The following APBB2 variants were observed in gnomAD, a reference collection of about 807,000 sequenced individuals.
APBB2 encodes Fe65-like 1.
Under a neutral mutation model 82.5 loss-of-function variants are expected in APBB2, and 38 were observed. The observed-to-expected ratio is 0.46, with a 90% CI of 0.36 to 0.60. The LOEUF (loss-of-function observed/expected upper bound fraction) is 0.60, where lower values mean the gene tolerates loss of function less well. APBB2 is among the 20% of genes least tolerant of loss of function. APBB2 has a pLI of 0.00. For synonymous variants in APBB2, 341 were observed against 368.2 expected (o/e 0.93, Z 0.85); for missense variants, 772 against 972.3 (o/e 0.79, Z 2.74).
At chr4:40,949,313 A>G (rs899244357) in intron 6 of APBB2, among the ~76,000 whole-genome samples, 3 of 152,124 alleles carry the variant, frequency 2.0e-5, no homozygotes, top group African/African-American at 7.2e-5. Context: ...AGGTAGGTGG[A>G]AGTCCAGACC....
intron 10 of APBB2, among the ~76,000 whole-genome samples, chr4:40,928,918 G>A (rs908316371): frequency 2.0e-5 from 3 of 149,822 alleles, no homozygotes; most frequent in African/African-American, 4.9e-5. Context: ...ATGAACGAAC[G>A]AATGAATACA....
rs1792114574 is a variant in APBB2 at position 40,957,933 on chromosome 4, T to G, written c.836-12860A>C. Among the ~76,000 whole-genome samples, 3 of 152,278 alleles carry G rather than the reference T, an allele frequency of 2.0e-5. No homozygotes were observed. In the South Asian group the frequency reaches 6.2e-4, roughly 32 times the overall value. ...ATGCAGATAGGATATGATCAGAGGT[T>G]GGTAGAAGATAAAAGTATACATCTC... On this transcript the variant is annotated intron_variant, in intron 6 of 17. Coordinates refer to ENST00000508593, the MANE Select transcript of APBB2 (RefSeq NM_004307.2).
intron 12 of APBB2, chr4:40,857,071 G>A: frequency 1.0e-6 from 1 of 985,588 alleles, no homozygotes; most frequent in Non-Finnish European, 1.2e-6. Context: ...TGCCGCCCCA[G>A]GTGCTACGAC....
intron 6 of APBB2, among the ~76,000 whole-genome samples, chr4:41,002,576 C>T (rs1376034412): frequency 2.0e-5 from 3 of 152,212 alleles, no homozygotes; most frequent in Non-Finnish European, 2.9e-5. Context: ...AAGCTCAATG[C>T]CTTGAGCTGG....
At chr4:40,945,302 A>G (rs946169164) in intron 6 of APBB2, among the ~76,000 whole-genome samples, 1 of 152,222 alleles carries the variant, frequency 6.6e-6, no homozygotes, top group African/African-American at 2.4e-5. Context: ...AACACCTGAG[A>G]ACAGGGACAC....
chr4:40,926,610 C>T (rs1473463728), intron 10 of APBB2, among the ~76,000 whole-genome samples: 1 of 152,226 alleles, frequency 6.6e-6, no homozygotes, highest in African/African-American at 2.4e-5. Context: ...TGCCACCACG[C>T]CCAGCTAATT....
At chr4:41,172,222 C>T (rs1037027664) in intron 1 of APBB2, among the ~76,000 whole-genome samples, 2 of 151,986 alleles carry the variant, frequency 1.3e-5, no homozygotes, top group African/African-American at 4.8e-5. Context: ...CATCCAGCAC[C>T]CCCCGCCCCA....
At chr4:41,138,312 T>C (rs563318510) in intron 2 of APBB2, among the ~76,000 whole-genome samples, 2 of 152,332 alleles carry the variant, frequency 1.3e-5, no homozygotes, top group Admixed American at 6.5e-5. Context: ...AATTAAAAAC[T>C]TCTGAGCACC....
At chr4:41,131,813 G>A in intron 2 of APBB2, among the ~76,000 whole-genome samples, 2 of 152,148 alleles carry the variant, frequency 1.3e-5, no homozygotes, top group East Asian at 3.8e-4. Context: ...GCCAAGGCGG[G>A]TGGATCACCT....
intron 4 of APBB2, among the ~76,000 whole-genome samples, chr4:41,037,038 A>G (rs1283158856): frequency 6.6e-6 from 1 of 152,230 alleles, no homozygotes; most frequent in Non-Finnish European, 1.5e-5. Context: ...AAGCTATTGA[A>G]TACTTAAAAG....
chr4:40,868,957 A>G (rs546064422), intron 12 of APBB2, among the ~76,000 whole-genome samples: 1 of 152,300 alleles, frequency 6.6e-6, no homozygotes, highest in South Asian at 2.1e-4. Flanking sequence ...CATGCTTACG[A>G]ACTACTAAAA....
At chr4:40,894,979 C>T (rs761452479) in intron 10 of APBB2, among the ~76,000 whole-genome samples, 3 of 152,136 alleles carry the variant, frequency 2.0e-5, no homozygotes, top group Non-Finnish European at 2.9e-5. Context: ...GACATGGAGC[C>T]ATCCTTCCTT....
Position 40,890,527 on chromosome 4 carries a change from T to C in APBB2, c.1402-36A>G, listed in dbSNP as rs374333784. 19 of 1,610,984 alleles carry C rather than the reference T, an allele frequency of 1.2e-5. 1 individual carries two copies. The highest frequency in any genetic ancestry group is 3.3e-5 in the South Asian group (3 of 90,604). ...ACGAGAAAACACGCTGTCTTCTTCA[T>C]GCAGGCTGGAAAGCCTAATCGTGTG... On this transcript the variant is annotated intron_variant, in intron 11 of 17. Transcript: ENST00000508593.
At chr4:41,060,239 G>A (rs757483899) in intron 4 of APBB2, among the ~76,000 whole-genome samples, 1 of 152,044 alleles carries the variant, frequency 6.6e-6, no homozygotes, top group Non-Finnish European at 1.5e-5. Flanking sequence ...AGTAAATAGC[G>A]GTTGTTCAGG....
chr4:41,196,781 A>C, intron 1 of APBB2, among the ~76,000 whole-genome samples: 1 of 152,056 alleles, frequency 6.6e-6, no homozygotes, highest in African/African-American at 2.4e-5. Context: ...CACAATTGGA[A>C]ATAATCCTCC....
At chr4:40,910,659 C>A (rs1186579976) in intron 10 of APBB2, among the ~76,000 whole-genome samples, 1 of 152,236 alleles carries the variant, frequency 6.6e-6, no homozygotes, top group Non-Finnish European at 1.5e-5. Flanking sequence ...TGTATACCCA[C>A]CACCCAAAAG....
chr4:41,019,261 AAG>A (rs1391921690), intron 5 of APBB2, among the ~76,000 whole-genome samples: 1 of 152,206 alleles, frequency 6.6e-6, no homozygotes, highest in Non-Finnish European at 1.5e-5. Context: ...GAAGCCAATA[AAG>A]AGAGTAAAAG....
At chr4:41,110,501 G>A (rs998988551) in intron 2 of APBB2, among the ~76,000 whole-genome samples, 1 of 151,826 alleles carries the variant, frequency 6.6e-6, no homozygotes, top group African/African-American at 2.4e-5. Context: ...TACTCAGGAG[G>A]CTGAGGCAGG....
intron 6 of APBB2, among the ~76,000 whole-genome samples, chr4:40,957,787 T>C (rs576464096): frequency 6.6e-5 from 10 of 152,156 alleles, no homozygotes; most frequent in Non-Finnish European, 1.5e-4. Flanking sequence ...TTTCGCCACG[T>C]TGGCCAGGCT....
Sources: gnomAD v4.1 joint callset for allele counts (sites outside exome capture counted in the v4.1 genomes callset) on GRCh38, gnomAD v4.1.1 for gene constraint, MANE v1.5 for transcripts, NCBI Gene and HGNC (gene_info 2026-07-23, HGNC 2026-07-21) for gene names.